Variants in SRGAP1 observed in about 807,000 individuals in gnomAD.
SRGAP1 encodes SLIT-ROBO Rho GTPase-activating protein 1.
In SRGAP1, 43 loss-of-function variants were observed where a neutral mutation model predicts 121.9. That is an observed-to-expected ratio of 0.35 (90% confidence interval 0.28 to 0.46). The LOEUF is 0.46. Ranked by LOEUF, SRGAP1 falls within the 20% of genes least tolerant of loss-of-function variation. The pLI is 1.00. For synonymous variants in SRGAP1, 447 were observed against 485.4 expected, an observed-to-expected ratio of 0.92 and a Z score of 1.04; for missense variants, 1,102 against 1,350.9, an observed-to-expected ratio of 0.82 and a Z score of 2.89.
chr12:64,108,313 G>A (rs577798295), intron 15 of SRGAP1, among the ~76,000 whole-genome samples: 16 of 152,220 alleles, frequency 1.1e-4, no homozygotes, highest in South Asian at 4.2e-4. Context: ...CAGGGAAGAC[G>A]AGATAAGGAA....
intron 1 of SRGAP1, among the ~76,000 whole-genome samples, chr12:63,922,301 A>G (rs772831330): frequency 1.3e-5 from 2 of 152,184 alleles, no homozygotes; most frequent in African/African-American, 2.4e-5. Context: ...TTTCTAATCT[A>G]TGGAATTTGA....
intron 3 of SRGAP1, among the ~76,000 whole-genome samples, chr12:63,996,987 A>G (rs1403511087): frequency 6.6e-6 from 1 of 152,142 alleles, no homozygotes; most frequent in Non-Finnish European, 1.5e-5. Flanking sequence ...CTCTCTGAAT[A>G]GCAATTATTG....
At chr12:63,980,437 T>A (rs904700269) in intron 1 of SRGAP1, among the ~76,000 whole-genome samples, 1 of 152,306 alleles carries the variant, frequency 6.6e-6, no homozygotes, top group East Asian at 1.9e-4. Flanking sequence ...TAAAATTCTT[T>A]AAATTCTTTG....
At chr12:64,098,730 T>C (rs2036209691) in intron 15 of SRGAP1, among the ~76,000 whole-genome samples, 1 of 152,100 alleles carries the variant, frequency 6.6e-6, no homozygotes, top group Non-Finnish European at 1.5e-5. Context: ...TATAATTGAA[T>C]TATTCCTCTC....
At chr12:63,976,434 G>A (rs2033098186) in intron 1 of SRGAP1, among the ~76,000 whole-genome samples, 1 of 152,144 alleles carries the variant, frequency 6.6e-6, no homozygotes, top group South Asian at 2.1e-4. Flanking sequence ...GTCCGCCCCA[G>A]ACTCTCACTG....
chr12:64,070,547 C>A (rs1179760672), intron 8 of SRGAP1, among the ~76,000 whole-genome samples: 2 of 152,164 alleles, frequency 1.3e-5, no homozygotes, highest in African/African-American at 4.8e-5. Flanking sequence ...GGGGAATGTA[C>A]AATGAGAGAA....
At chr12:64,023,346 A>T (rs1158912553) in intron 4 of SRGAP1, among the ~76,000 whole-genome samples, 1 of 152,146 alleles carries the variant, frequency 6.6e-6, no homozygotes, top group East Asian at 1.9e-4. Context: ...GTTAGAGGGA[A>T]CATTCAAAAC....
intron 1 of SRGAP1, among the ~76,000 whole-genome samples, chr12:63,878,227 T>C (rs139053919): frequency 6.5e-4 from 99 of 152,344 alleles, no homozygotes; most frequent in Non-Finnish European, 1.1e-3. Context: ...CAGCAAACTT[T>C]TTCTGTGAAG....
chr12:64,078,336 T>C (rs571409047), intron 8 of SRGAP1, among the ~76,000 whole-genome samples: 160 of 152,338 alleles, frequency 1.1e-3, no homozygotes, highest in African/African-American at 3.8e-3. Flanking sequence ...CAGTGAAATA[T>C]ACTCACAAGA....
chr12:64,132,888 A>G (rs1040029076), intron 21 of SRGAP1, among the ~76,000 whole-genome samples: 1 of 152,256 alleles, frequency 6.6e-6, no homozygotes, highest in African/African-American at 2.4e-5. Flanking sequence ...AGCTGAAAGC[A>G]AATTACTTCT....
intron 4 of SRGAP1, among the ~76,000 whole-genome samples, chr12:64,040,915 T>C (rs1373742321): frequency 6.6e-6 from 1 of 152,152 alleles, no homozygotes; most frequent in Admixed American, 6.5e-5. Flanking sequence ...TTTCTGAAAA[T>C]TTGTCCTAGG....
chr12:63,983,797 A>AATATATATAT (rs71911661), intron 1 of SRGAP1, 150 bp from the exon 2 acceptor site: 1 of 64,750 alleles, frequency 1.5e-5, no homozygotes, highest in Non-Finnish European at 2.7e-5. Context: ...ATACATTTAA[A>AATATATATAT]ATATATATAT....
At chr12:63,898,358 C>T (rs937945579) in intron 1 of SRGAP1, among the ~76,000 whole-genome samples, 1 of 152,172 alleles carries the variant, frequency 6.6e-6, no homozygotes, top group Non-Finnish European at 1.5e-5. Flanking sequence ...AAGAGAATTA[C>T]GCATTCTGTG....
chr12:64,028,902 A>G (rs35266586), intron 4 of SRGAP1, among the ~76,000 whole-genome samples: 54,814 of 152,020 alleles, frequency 0.36, 11,055 homozygotes, highest in Non-Finnish European at 0.48. Flanking sequence ...TTCGTGAAGC[A>G]TTCACTGTGT....
chr12:64,133,650 G>A (rs1178365831), intron 21 of SRGAP1, among the ~76,000 whole-genome samples: 1 of 152,152 alleles, frequency 6.6e-6, no homozygotes, highest in East Asian at 1.9e-4. Flanking sequence ...TAATATAGCG[G>A]GGTCCTTCCT....
chr12:64,109,128 G>A, intron 16 of SRGAP1, 91 bp downstream of exon 16: 1 of 825,970 alleles, frequency 1.2e-6, no homozygotes, highest in Non-Finnish European at 1.8e-6. Context: ...CCATTTATCA[G>A]CAGAGTCAAA....
Position 64,022,482 on chromosome 12 carries a change from G to C in SRGAP1, c.489+5470G>C, listed in dbSNP as rs2034571245. Reference sequence around the variant, plus strand: ...CCACCTATATTGGAGAGGGCAATCTGTTTTACCCAGCCTACTGATTCCTAT... The same window carrying C: ...CCACCTATATTGGAGAGGGCAATCTCTTTTACCCAGCCTACTGATTCCTAT... On this transcript the variant is annotated intron_variant, in intron 4 of 21. Coordinates refer to ENST00000355086, the MANE Select transcript of SRGAP1 (RefSeq NM_020762.4). Among the ~76,000 whole-genome samples, 3 of 152,170 alleles carry C rather than the reference G, an allele frequency of 2.0e-5. No homozygotes were observed. The South Asian group carries it at 6.2e-4, about 31-fold the overall frequency.
At chr12:64,126,724 A>G (rs1017024546) in intron 19 of SRGAP1, among the ~76,000 whole-genome samples, 1 of 152,220 alleles carries the variant, frequency 6.6e-6, no homozygotes, top group Admixed American at 6.5e-5. Context: ...AAAGGTATAC[A>G]GTGACTGAAT....
At chr12:64,077,501 C>T (rs1405166962) in intron 8 of SRGAP1, among the ~76,000 whole-genome samples, 1 of 148,832 alleles carries the variant, frequency 6.7e-6, no homozygotes, top group Non-Finnish European at 1.5e-5. Context: ...TAATATATTA[C>T]AAAAATAGCA....
Sources: allele counts gnomAD v4.1 joint callset (sites outside exome capture counted in the v4.1 genomes callset), GRCh38; gene constraint gnomAD v4.1.1; transcripts MANE v1.5; gene names NCBI Gene and HGNC (gene_info 2026-07-23, HGNC 2026-07-21).